Variants in FLI1 observed in about 807,000 individuals in gnomAD.
FLI1 encodes Friend leukemia integration 1 transcription factor.
FLI1 carries 13 observed loss-of-function variants against 53.1 expected under a neutral mutation model. The observed-to-expected ratio is 0.24, with a 90% CI of 0.16 to 0.39. FLI1 has a LOEUF of 0.39. FLI1 is among the 10% of genes least tolerant of loss of function. The pLI is 1.00. For missense variants in FLI1, 424 were observed against 600.5 expected (o/e 0.71, Z 3.07); for synonymous variants, 244 against 236.7 (o/e 1.03, Z -0.28).
chr11:128,697,897 T>C (rs1173335330), intron 1 of FLI1, among the ~76,000 whole-genome samples: 1 of 152,168 alleles, frequency 6.6e-6, no homozygotes. Context: ...CAATCTCAGT[T>C]GAGTGGTGAT....
intron 2 of FLI1, among the ~76,000 whole-genome samples, chr11:128,765,292 G>GC (rs966748460): frequency 6.6e-6 from 1 of 152,046 alleles, no homozygotes; most frequent in Non-Finnish European, 1.5e-5. Flanking sequence ...TCCAACCCTG[G>GC]CACCTGGGAC....
At chr11:128,758,458 C>T (rs1482537158) in intron 2 of FLI1, 132 bp downstream of exon 2, 3 of 716,392 alleles carry the variant, frequency 4.2e-6, no homozygotes, top group Non-Finnish European at 7.2e-6. Context: ...CTGTGTCAGT[C>T]CCTAGAGAGC....
At chr11:128,735,877 C>A (rs1225357492) in intron 1 of FLI1, among the ~76,000 whole-genome samples, 2 of 152,154 alleles carry the variant, frequency 1.3e-5, no homozygotes, top group Non-Finnish European at 2.9e-5. Flanking sequence ...TATGAGCTGG[C>A]CTGATAAATT....
chr11:128,723,119 G>C (rs956467370), intron 1 of FLI1, among the ~76,000 whole-genome samples: 2 of 152,132 alleles, frequency 1.3e-5, no homozygotes, highest in Non-Finnish European at 2.9e-5. Context: ...CCACCTCCAC[G>C]ATCAAATCAC....
At chr11:128,752,275 C>T (rs1940680077) in intron 1 of FLI1, among the ~76,000 whole-genome samples, 1 of 152,176 alleles carries the variant, frequency 6.6e-6, no homozygotes, top group African/African-American at 2.4e-5. Context: ...CATGCCTGGC[C>T]ACATTTTTAA....
intron 2 of FLI1, among the ~76,000 whole-genome samples, chr11:128,762,728 C>T (rs1284351254): frequency 1.3e-5 from 2 of 152,070 alleles, no homozygotes; most frequent in African/African-American, 4.8e-5. Context: ...GAGGCCAAGG[C>T]GGCGGATCAC....
chr11:128,759,297 C>T (rs1941017061), intron 2 of FLI1, among the ~76,000 whole-genome samples: 1 of 152,212 alleles, frequency 6.6e-6, no homozygotes, highest in African/African-American at 2.4e-5. Context: ...ATTCCACAGC[C>T]AGAGGCTGAC....
rs148819776 is a variant in FLI1 at position 128,694,362 on chromosome 11, G to A, written c.18+86G>A. On this transcript the variant is annotated intron_variant, in intron 1 of 8. Coordinates refer to ENST00000527786, the MANE Select transcript of FLI1 (RefSeq NM_002017.5). ...CGGGTAGGTGCGGGGCCCGCGTCCC[G>A]GAAGACGTGGCCTCTCTCCCTTCCC... 9,195 of 1,078,852 alleles carry A rather than the reference G, an allele frequency of 8.5e-3. 53 individuals carry two copies. The highest frequency in any genetic ancestry group is 0.022 in the Middle Eastern group (68 of 3,124). The allele number at this position is 1,078,852 out of a possible 1,614,324, so 66.8% of individuals were successfully genotyped here.
chr11:128,758,376 G>T, intron 2 of FLI1, 50 bp downstream of exon 2: 1 of 1,512,070 alleles, frequency 6.6e-7, no homozygotes, highest in Non-Finnish European at 9.1e-7. Flanking sequence ...AAAGTCGCCA[G>T]ATCTGCAGCA....
Position 128,811,083 on chromosome 11 carries a change from G to T in FLI1, c.*95G>T, listed in dbSNP as rs916788045. The T allele has an allele frequency of 7.1e-6, 8 of 1,126,738 alleles. No individual in the cohort carries two copies. The African/African-American group carries it at 1.2e-4, about 18-fold the overall frequency. 69.8% of individuals were successfully genotyped at this position (1,126,738 alleles called of 1,614,324 possible). On this transcript the variant is annotated 3_prime_UTR_variant, in exon 9 of 9. Coordinates refer to ENST00000527786, the MANE Select transcript of FLI1 (RefSeq NM_002017.5). ...AGGACATATGTGGCCTTGAAGGGAA[G>T]ACAAAACTGGATGTTCTTTCTTGTT... is the stretch of plus-strand genomic sequence containing the variant.
intron 1 of FLI1, among the ~76,000 whole-genome samples, chr11:128,715,323 C>T (rs1447099551): frequency 6.6e-6 from 1 of 152,236 alleles, no homozygotes; most frequent in Non-Finnish European, 1.5e-5. Flanking sequence ...CTGGTGTTCC[C>T]ACATGCCTCC....
At chr11:128,743,013 G>A (rs1366623016) in intron 1 of FLI1, among the ~76,000 whole-genome samples, 2 of 152,238 alleles carry the variant, frequency 1.3e-5, no homozygotes, top group East Asian at 1.9e-4. Context: ...TTGACTTTGG[G>A]TTTCTCATGA....
intron 1 of FLI1, among the ~76,000 whole-genome samples, chr11:128,756,584 A>G (rs1235797338): frequency 6.6e-6 from 1 of 152,234 alleles, no homozygotes; most frequent in Non-Finnish European, 1.5e-5. Flanking sequence ...AATAATCATG[A>G]TACCTAACAT....
At chr11:128,809,554 C>T (rs947132549) in intron 8 of FLI1, among the ~76,000 whole-genome samples, 5 of 152,176 alleles carry the variant, frequency 3.3e-5, no homozygotes, top group Non-Finnish European at 7.3e-5. Context: ...AGTTGTCTCC[C>T]GCATGCCAGG....
At chr11:128,685,154 A>C (rs940707027), upstream of FLI1, among the ~76,000 whole-genome samples, 11 of 152,244 alleles carry the variant, frequency 7.2e-5, no homozygotes, top group African/African-American at 2.7e-4. Context: ...GCTCCTGCAC[A>C]GCGGCTCCTG....
rs61909360 is a variant in FLI1, at chr11:128,745,882, G to T, written c.19-12233G>T. On this transcript the variant is annotated intron_variant, in intron 1 of 8. Transcript: ENST00000527786. Reference sequence around the variant, plus strand: ...GTTTCCTCGTGGGCTCCCTGTGATTGTAAGGGCCCCGGTTACCATGGCAAC... The same window carrying T: ...GTTTCCTCGTGGGCTCCCTGTGATTTTAAGGGCCCCGGTTACCATGGCAAC... Among the ~76,000 whole-genome samples the T allele has an allele frequency of 8.1e-3, 1,237 of 152,322 alleles. 9 individuals are homozygous for T. Among genetic ancestry groups the T allele is most frequent in the Non-Finnish European group, 0.012 (786 of 68,034 alleles).
chr11:128,781,377 G>C (rs2246291), intron 4 of FLI1, among the ~76,000 whole-genome samples: 25,325 of 152,188 alleles, frequency 0.17, 3,061 homozygotes, highest in African/African-American at 0.34. Flanking sequence ...CCATGGCAAA[G>C]TACAAGCTGC....
intron 5 of FLI1, among the ~76,000 whole-genome samples, chr11:128,785,563 G>A (rs1454653551): frequency 2.0e-5 from 3 of 152,090 alleles, no homozygotes. Flanking sequence ...AATGTAACTT[G>A]GGCAAAGATG....
intron 5 of FLI1, among the ~76,000 whole-genome samples, chr11:128,786,826 T>G (rs1942100039): frequency 2.0e-5 from 3 of 152,212 alleles, no homozygotes. Context: ...TACCTCTGAC[T>G]TTCCAAAAGA....
Sources: gnomAD v4.1 joint callset for allele counts (sites outside exome capture counted in the v4.1 genomes callset) on GRCh38, gnomAD v4.1.1 for gene constraint, MANE v1.5 for transcripts, NCBI Gene and HGNC (gene_info 2026-07-23, HGNC 2026-07-21) for gene names.